Variants in TTLL11 observed in about 807,000 individuals in gnomAD.
The protein encoded by TTLL11 is tubulin tyrosine ligase like 11.
In TTLL11, 42 loss-of-function variants were observed where a neutral mutation model predicts 51.7. The observed-to-expected ratio is 0.81, with a 90% CI of 0.64 to 1.05. TTLL11 has a LOEUF of 1.05. Ranked by LOEUF, TTLL11 falls within the 50% of genes least tolerant of loss-of-function variation. The pLI is 0.00. For missense variants in TTLL11, 799 were observed against 940.4 expected, an observed-to-expected ratio of 0.85 and a Z score of 1.97; for synonymous variants, 381 against 383.5, an observed-to-expected ratio of 0.99 and a Z score of 0.08.
intron 6 of TTLL11, among the ~76,000 whole-genome samples, chr9:121,895,213 G>A (rs895205849): frequency 6.6e-6 from 1 of 152,124 alleles, no homozygotes; most frequent in Admixed American, 6.5e-5. Flanking sequence ...TGTCTGGAAC[G>A]TTTTGCTTTG....
chr9:121,985,508 C>CT (rs766262272), intron 4 of TTLL11, among the ~76,000 whole-genome samples: 3 of 131,340 alleles, frequency 2.3e-5, no homozygotes, highest in Admixed American at 7.8e-5. Context: ...ATACCATTTT[C>CT]TTTTCTTTTT....
Position 121,822,548 on chromosome 9 carries a change from T to C in TTLL11, c.*39A>G. ...CCTGGGGCGCTCCAGCCCTGAAAGC[T>C]GCTCTCGTCTTCCGTTTTCCAGGAG... On this transcript the variant is annotated 3_prime_UTR_variant, in exon 9 of 9. Coordinates refer to ENST00000321582, the MANE Select transcript of TTLL11 (RefSeq NM_001139442.2). The surrounding 1 kb of genome is among the most constrained non-coding windows in gnomAD (Gnocchi z 5.8). 7.0e-7 allele frequency: 1 copy of C among 1,424,052 alleles called. No homozygotes were observed. Among genetic ancestry groups the C allele is most frequent in the Non-Finnish European group, 9.2e-7 (1 of 1,085,306 alleles). 88.2% of individuals were successfully genotyped at this position (1,424,052 alleles called of 1,614,324 possible). A position where few individuals can be genotyped will look rare whatever the true frequency, so the allele number is the denominator to read the frequency against.
chr9:121,923,709 G>A (rs1227086966), intron 6 of TTLL11, among the ~76,000 whole-genome samples: 1 of 152,112 alleles, frequency 6.6e-6, no homozygotes, highest in Non-Finnish European at 1.5e-5. Flanking sequence ...TTCCAGCCTT[G>A]GTCAGTCTGG....
Position 122,063,757 on chromosome 9 carries a change from C to T in TTLL11, c.463-24389G>A, listed in dbSNP as rs559518853. The stretch of plus-strand genomic sequence containing the variant: ...GGCCAACCAATTCATCCCAGTTTGC[C>T]CAGGACTGTCCAGGTTTTAAAACTG... On this transcript the variant is annotated intron_variant, in intron 1 of 8. Transcript: ENST00000321582. Among the ~76,000 whole-genome samples the T allele has an allele frequency of 4.7e-4, 71 of 152,274 alleles. 1 individual carries two copies. The highest frequency in any genetic ancestry group is 1.9e-4 in the Non-Finnish European group (13 of 68,024).
chr9:121,877,520 T>G (rs1338919945), intron 6 of TTLL11, among the ~76,000 whole-genome samples: 1 of 152,080 alleles, frequency 6.6e-6, no homozygotes, highest in Non-Finnish European at 1.5e-5. Flanking sequence ...TTGAGCCTAT[T>G]CCCACCTATT....
chr9:122,044,678 A>G (rs1341800333), intron 1 of TTLL11, among the ~76,000 whole-genome samples: 1 of 152,238 alleles, frequency 6.6e-6, no homozygotes, highest in African/African-American at 2.4e-5. Flanking sequence ...CAAAATGGAC[A>G]AAAGTCCTGA....
At chr9:122,010,265 C>T (rs1411467555) in intron 3 of TTLL11, among the ~76,000 whole-genome samples, 1 of 152,136 alleles carries the variant, frequency 6.6e-6, no homozygotes, top group East Asian at 1.9e-4. Flanking sequence ...CATGTCGACT[C>T]CCTCCCTTTA....
chr9:121,946,587 G>C (rs1209303276), intron 6 of TTLL11, among the ~76,000 whole-genome samples: 1 of 152,160 alleles, frequency 6.6e-6, no homozygotes. Flanking sequence ...CAACAGGCTG[G>C]GAAGGCTATC....
chr9:122,046,170 G>A (rs1371377875), intron 1 of TTLL11, among the ~76,000 whole-genome samples: 1 of 152,156 alleles, frequency 6.6e-6, no homozygotes, highest in Non-Finnish European at 1.5e-5. Context: ...CAGTGTTGGA[G>A]AAGAGGCCTG....
At chr9:121,971,029 GC>G (rs1223716931) in intron 6 of TTLL11, among the ~76,000 whole-genome samples, 6 of 144,532 alleles carry the variant, frequency 4.2e-5, no homozygotes, top group Non-Finnish European at 9.2e-5. Context: ...GGGGGGGTCA[GC>G]CCCCCGCCCG....
Position 121,870,583 on chromosome 9 carries a change from C to T in TTLL11, c.1647G>A (p.Val549=), listed in dbSNP as rs1182044543. 6.4e-7 allele frequency: 1 copy of T among 1,551,744 alleles called. No individual in the cohort carries two copies. The highest frequency in any genetic ancestry group is 1.2e-5 in the South Asian group (1 of 84,046). ...YAKQFNYLRL[V]DRMANLFIRF... The stretch of plus-strand genomic sequence containing the variant: ...GGATAAACAAATTTGCCATCCTGTC[C>T]ACCAGGCGCAGGTAGTTGAACTGTT... Residue 549 remains valine (V), a synonymous_variant, in exon 7 of 9, where the codon GTG becomes GTA. Coordinates refer to ENST00000321582, the MANE Select transcript of TTLL11 (RefSeq NM_001139442.2).
intron 8 of TTLL11, among the ~76,000 whole-genome samples, chr9:121,844,461 T>C (rs1837455119): frequency 6.6e-6 from 1 of 152,174 alleles, no homozygotes; most frequent in Non-Finnish European, 1.5e-5. Context: ...CATGGCTGGC[T>C]TTCAACAAAA....
chr9:121,858,716 C>T (rs1035685686), intron 8 of TTLL11, among the ~76,000 whole-genome samples: 2 of 152,228 alleles, frequency 1.3e-5, no homozygotes, highest in Admixed American at 6.5e-5. Flanking sequence ...AACTGCCTCG[C>T]ACCATCAGCG....
intron 6 of TTLL11, among the ~76,000 whole-genome samples, chr9:121,895,868 TTGTG>T (rs774972740): frequency 1.9e-4 from 14 of 74,290 alleles, no homozygotes; most frequent in Non-Finnish European, 3.5e-4. Flanking sequence ...TTGTGTGGGT[TTGTG>T]TGACTGTGTG....
intron 6 of TTLL11, among the ~76,000 whole-genome samples, chr9:121,918,028 G>A (rs1021015094): frequency 6.6e-6 from 1 of 151,968 alleles, no homozygotes; most frequent in Non-Finnish European, 1.5e-5. Context: ...GCAGCCCTGT[G>A]AGCCTTGCAA....
At chr9:121,829,806 C>CACACACAA (rs1349505662) in intron 8 of TTLL11, among the ~76,000 whole-genome samples, 5 of 151,214 alleles carry the variant, frequency 3.3e-5, no homozygotes, top group Admixed American at 1.3e-4. Context: ...CACACACACA[C>CACACACAA]ACACACACCA....
chr9:121,868,777 CAG>C (rs1399444052), intron 7 of TTLL11, among the ~76,000 whole-genome samples: 1 of 152,214 alleles, frequency 6.6e-6, no homozygotes, highest in East Asian at 1.9e-4. Flanking sequence ...CTAAATGAGT[CAG>C]AGAGTATCAT....
At chr9:122,075,610 G>A (rs1430345397) in intron 1 of TTLL11, among the ~76,000 whole-genome samples, 1 of 152,152 alleles carries the variant, frequency 6.6e-6, no homozygotes, top group Non-Finnish European at 1.5e-5. Flanking sequence ...TATATCATTA[G>A]AGGAACATCT....
intron 4 of TTLL11, among the ~76,000 whole-genome samples, chr9:121,983,297 C>A (rs1588175166): frequency 6.6e-6 from 1 of 152,256 alleles, no homozygotes; most frequent in South Asian, 2.1e-4. Flanking sequence ...AAGAGCTTGA[C>A]TTTGGACGTG....
Sources: gnomAD v4.1 joint callset for allele counts (sites outside exome capture counted in the v4.1 genomes callset) on GRCh38, gnomAD v4.1.1 for gene constraint, Gnocchi (gnomAD v3.1) non-coding constraint, MANE v1.5 for transcripts, NCBI Gene and HGNC (gene_info 2026-07-23, HGNC 2026-07-21) for gene names.